The following RALGPS1 variants were observed in gnomAD, a reference collection of about 807,000 sequenced individuals.
RALGPS1 encodes the protein Ral GEF with PH domain and SH3 binding motif 1, also known as ras-specific guanine nucleotide-releasing factor RalGPS1.
RALGPS1 carries 19 observed loss-of-function variants against 78.8 expected under a neutral mutation model. That is an observed-to-expected ratio of 0.24 (90% CI 0.17 to 0.35). The LOEUF is 0.35. Ranked by LOEUF, RALGPS1 falls within the 10% of genes least tolerant of loss-of-function variation. The pLI is 1.00. For synonymous variants in RALGPS1, 228 were observed against 256.3 expected, an observed-to-expected ratio of 0.89 and a Z score of 1.06; for missense variants, 454 against 688.3, an observed-to-expected ratio of 0.66 and a Z score of 3.81.
chr9:127,124,374 C>T (rs528413635), intron 8 of RALGPS1, among the ~76,000 whole-genome samples: 23 of 152,336 alleles, frequency 1.5e-4, no homozygotes, highest in African/African-American at 5.5e-4. Flanking sequence ...CAGCCGCAGA[C>T]ACGTGAGCAA....
intron 8 of RALGPS1, chr9:127,107,201 C>G (rs180860552): frequency 6.6e-6 from 1 of 152,352 alleles, no homozygotes; most frequent in East Asian, 1.9e-4. Flanking sequence ...AGTTATTCAT[C>G]CTGTCCGCAA....
chr9:126,941,656 G>C (rs1302680150), intron 1 of RALGPS1, among the ~76,000 whole-genome samples: 1 of 152,106 alleles, frequency 6.6e-6, no homozygotes, highest in Non-Finnish European at 1.5e-5. Flanking sequence ...TCTATCCCTA[G>C]CATCTAGGAC....
At chr9:126,957,788 C>G (rs1238487957) in intron 1 of RALGPS1, among the ~76,000 whole-genome samples, 1 of 152,188 alleles carries the variant, frequency 6.6e-6, no homozygotes, top group Admixed American at 6.5e-5. Context: ...CTGTTTCCCT[C>G]CTCTCAGTGC....
chr9:127,120,023 A>G (rs2055881953), intron 8 of RALGPS1, among the ~76,000 whole-genome samples: 1 of 152,248 alleles, frequency 6.6e-6, no homozygotes, highest in Non-Finnish European at 1.5e-5. Flanking sequence ...AGGGGGCCAC[A>G]GCACAGAAGC....
chr9:127,028,533 C>T (rs1256480446), intron 4 of RALGPS1, among the ~76,000 whole-genome samples: 1 of 152,184 alleles, frequency 6.6e-6, no homozygotes, highest in African/African-American at 2.4e-5. Flanking sequence ...TGGGCCTTGG[C>T]TCTCATCCTG....
intron 3 of RALGPS1, among the ~76,000 whole-genome samples, chr9:126,970,826 G>C (rs2040037224): frequency 6.6e-6 from 1 of 152,138 alleles, no homozygotes; most frequent in Non-Finnish European, 1.5e-5. Context: ...CTCATTCAGA[G>C]TTATTGTACA....
At chr9:127,067,377 G>C (rs1007516093) in intron 7 of RALGPS1, among the ~76,000 whole-genome samples, 1 of 152,170 alleles carries the variant, frequency 6.6e-6, no homozygotes, top group South Asian at 2.1e-4. Flanking sequence ...ACCGAAGTTC[G>C]TAAGCTATCA....
chr9:127,133,625 C>G (rs984154978), intron 8 of RALGPS1, among the ~76,000 whole-genome samples: 2 of 152,214 alleles, frequency 1.3e-5, no homozygotes, highest in Admixed American at 1.3e-4. Flanking sequence ...CTGGGCAGCC[C>G]CAGGTTTGGC....
intron 3 of RALGPS1, among the ~76,000 whole-genome samples, chr9:126,975,524 A>G (rs1205098711): frequency 6.6e-6 from 1 of 152,206 alleles, no homozygotes; most frequent in African/African-American, 2.4e-5. Flanking sequence ...GGAGATTTCC[A>G]AGGTCCTCTG....
intron 8 of RALGPS1, among the ~76,000 whole-genome samples, chr9:127,116,263 CT>C (rs889490096): frequency 1.3e-5 from 2 of 151,928 alleles, no homozygotes; most frequent in African/African-American, 4.8e-5. Flanking sequence ...GAATTGCTGG[CT>C]CCAGGAAGAG....
chr9:127,021,729 A>G (rs2045473807), intron 4 of RALGPS1, among the ~76,000 whole-genome samples: 1 of 151,682 alleles, frequency 6.6e-6, no homozygotes, highest in Admixed American at 6.6e-5. Context: ...TTCCCAGTGT[A>G]AGAGTGGAAT....
At chr9:127,186,425 C>G (rs1488306145) in intron 11 of RALGPS1, among the ~76,000 whole-genome samples, 1 of 152,228 alleles carries the variant, frequency 6.6e-6, no homozygotes, top group Non-Finnish European at 1.5e-5. Flanking sequence ...TGCATTATGA[C>G]CACCCACACC....
At chr9:127,094,435 A>C (rs1190538594) in intron 8 of RALGPS1, among the ~76,000 whole-genome samples, 1 of 152,252 alleles carries the variant, frequency 6.6e-6, no homozygotes, top group Non-Finnish European at 1.5e-5. Context: ...CTGGGGGCCA[A>C]GTACAGTTGG....
chr9:126,968,769 C>G (rs2039788068), intron 3 of RALGPS1, among the ~76,000 whole-genome samples: 3 of 152,182 alleles, frequency 2.0e-5, no homozygotes, highest in Admixed American at 2.0e-4. Context: ...TAGTAATCGT[C>G]CGGGCGCGGT....
rs531688056 is a variant in RALGPS1 at position 127,202,903 on chromosome 9, C to T, written c.1247+3837C>T. 5.4e-4 allele frequency among the ~76,000 whole-genome samples: 81 copies of T among 149,994 alleles called. 1 individual carries two copies. In the South Asian group the frequency reaches 0.01, roughly 19 times the overall value. ...TCTCCCAGGGAGGTGGGGAGGCGGCCGCAGGGCAGCGGCCGCAGGGCATTC... is the reference window on the plus strand; with the variant it reads ...TCTCCCAGGGAGGTGGGGAGGCGGCTGCAGGGCAGCGGCCGCAGGGCATTC... On this transcript the variant is annotated intron_variant, in intron 14 of 18. Coordinates refer to ENST00000259351, the MANE Select transcript of RALGPS1 (RefSeq NM_014636.3).
intron 1 of RALGPS1, among the ~76,000 whole-genome samples, chr9:126,934,724 ATGC>A (rs2036105951): frequency 1.3e-5 from 2 of 152,000 alleles, no homozygotes; most frequent in South Asian, 4.2e-4. Flanking sequence ...CTACCCTGTC[ATGC>A]TGTCACCCTT....
intron 11 of RALGPS1, chr9:127,184,156 T>C (rs1472940584): frequency 9.3e-7 from 1 of 1,079,322 alleles, no homozygotes; most frequent in Non-Finnish European, 1.3e-6. Context: ...CAAAACCCCA[T>C]CTCTACAAAA....
chr9:127,050,519 A>G (rs955315266), intron 6 of RALGPS1, among the ~76,000 whole-genome samples: 1 of 152,156 alleles, frequency 6.6e-6, no homozygotes, highest in Non-Finnish European at 1.5e-5. Context: ...TCAATGCTCA[A>G]TGCTTGTGAT....
At chr9:127,181,245 A>G (rs1305183793) in intron 11 of RALGPS1, among the ~76,000 whole-genome samples, 2 of 152,262 alleles carry the variant, frequency 1.3e-5, no homozygotes, top group African/African-American at 4.8e-5. Context: ...AGAGGCTCCA[A>G]GAGTTACGTA....
Sources: gnomAD v4.1 joint callset for allele counts (sites outside exome capture counted in the v4.1 genomes callset) on GRCh38, gnomAD v4.1.1 for gene constraint, MANE v1.5 for transcripts, NCBI Gene and HGNC (gene_info 2026-07-23, HGNC 2026-07-21) for gene names.